Variants in DYNC1I1 observed in about 807,000 individuals in gnomAD.
The protein encoded by DYNC1I1 is cytoplasmic dynein 1 intermediate chain 1.
Under a neutral mutation model 86.6 loss-of-function variants are expected in DYNC1I1, and 43 were observed. That is an observed-to-expected ratio of 0.50 (90% CI 0.39 to 0.64). The LOEUF is 0.64. Ranked by LOEUF, DYNC1I1 falls within the 30% of genes least tolerant of loss-of-function variation. DYNC1I1 has a pLI of 0.00. For missense variants in DYNC1I1, 604 were observed against 788.8 expected, an observed-to-expected ratio of 0.77 and a Z score of 2.81; for synonymous variants, 262 against 283.7, an observed-to-expected ratio of 0.92 and a Z score of 0.77.
At position 96,061,115 on chromosome 7, in the gene DYNC1I1, T is replaced by C. The variant is rs916941710; in HGVS notation, c.1510-14942T>C. On this transcript the variant is annotated intron_variant, in intron 14 of 16. Coordinates refer to ENST00000447467, the MANE Select transcript of DYNC1I1 (RefSeq NM_001135556.2). ...GCAGAAAGCAGTGTGAACAAAGGCT[T>C]GGAGACCAGAATGCGTTCAGTGTGT... Among the ~76,000 whole-genome samples, 7 of 152,276 alleles carry C rather than the reference T, an allele frequency of 4.6e-5. No individual in the cohort carries two copies. In the East Asian group the frequency reaches 9.7e-4, roughly 21 times the overall value.
chr7:95,941,850 C>G (rs1450872901), intron 6 of DYNC1I1, among the ~76,000 whole-genome samples: 2 of 152,182 alleles, frequency 1.3e-5, no homozygotes, highest in African/African-American at 4.8e-5. Context: ...GTGAGATGAA[C>G]CCGGTACCTC....
intron 6 of DYNC1I1, among the ~76,000 whole-genome samples, chr7:95,970,331 C>T (rs1038644839): frequency 6.6e-5 from 10 of 152,172 alleles, no homozygotes; most frequent in African/African-American, 2.4e-4. Flanking sequence ...CTGCAGCCTC[C>T]ACGTTGCTGC....
intron 6 of DYNC1I1, among the ~76,000 whole-genome samples, chr7:95,910,284 A>G (rs896308726): frequency 1.3e-5 from 2 of 152,120 alleles, no homozygotes; most frequent in African/African-American, 4.8e-5. Flanking sequence ...AGCCATTATT[A>G]CATCACACCT....
chr7:95,852,596 T>G (rs1422985503), intron 5 of DYNC1I1, among the ~76,000 whole-genome samples: 2 of 152,102 alleles, frequency 1.3e-5, no homozygotes, highest in Non-Finnish European at 2.9e-5. Context: ...AACCTCTGCC[T>G]CCTGGGTTCA....
At chr7:95,846,857 A>G (rs1375299342) in intron 5 of DYNC1I1, among the ~76,000 whole-genome samples, 1 of 152,202 alleles carries the variant, frequency 6.6e-6, no homozygotes, top group African/African-American at 2.4e-5. Flanking sequence ...TGTCTGTCAT[A>G]TTACATGAGT....
rs1793337764 is a variant in DYNC1I1 at position 95,977,531 on chromosome 7, A to G, written c.510A>G (p.Glu170=). The change falls in exon 7 of 17, where the codon GAA becomes GAG. Residue 170 remains glutamate (E), a synonymous_variant. Coordinates refer to ENST00000447467, the MANE Select transcript of DYNC1I1 (RefSeq NM_001135556.2). ...TTCTAGAGGATGAGGAAGATGAGGA[A>G]ATGGTGGAATCTAAAGTTGGCCAGG... ...HQSEEDEEDE[E]MVESKVGQDS... The G allele has an allele frequency of 6.2e-7, 1 of 1,613,158 alleles. No homozygotes were observed. Among genetic ancestry groups the G allele is most frequent in the African/African-American group, 1.3e-5 (1 of 74,856 alleles).
intron 6 of DYNC1I1, among the ~76,000 whole-genome samples, chr7:95,969,737 G>A (rs1211243238): frequency 1.3e-5 from 2 of 151,998 alleles, no homozygotes; most frequent in Non-Finnish European, 2.9e-5. Context: ...CATTTGCAAT[G>A]CCTTGGGTGA....
At chr7:96,083,739 G>A (rs187277078) in intron 16 of DYNC1I1, among the ~76,000 whole-genome samples, 1 of 152,086 alleles carries the variant, frequency 6.6e-6, no homozygotes, top group Non-Finnish European at 1.5e-5. Context: ...AACAAATAAG[G>A]TATTGAAGAC....
At position 95,834,919 on chromosome 7, in the gene DYNC1I1, C is replaced by T. The variant is rs540380656; in HGVS notation, c.374+6803C>T. 3.7e-3 allele frequency among the ~76,000 whole-genome samples: 562 copies of T among 151,858 alleles called. 3 individuals are homozygous for T. The highest frequency in any genetic ancestry group is 0.013 in the African/African-American group (531 of 41,320). ...GTATTTTGTTGATCCTTTCAAAAAG[C>T]CAGCTCCTGGATTCATTAATTTTTT... On this transcript the variant is annotated intron_variant, in intron 5 of 16. Coordinates refer to ENST00000447467, the MANE Select transcript of DYNC1I1 (RefSeq NM_001135556.2).
intron 1 of DYNC1I1, 95 bp from the exon 2 acceptor site, chr7:95,804,626 A>G: frequency 7.7e-7 from 1 of 1,303,448 alleles, no homozygotes; most frequent in Non-Finnish European, 1.0e-6. Flanking sequence ...CAAAAGTCAC[A>G]TTGTTAAGTT....
At chr7:95,819,610 C>A (rs1314557797) in intron 4 of DYNC1I1, among the ~76,000 whole-genome samples, 2 of 151,852 alleles carry the variant, frequency 1.3e-5, no homozygotes, top group African/African-American at 4.8e-5. Flanking sequence ...ATAAATAATA[C>A]AAGATTATGG....
intron 10 of DYNC1I1, among the ~76,000 whole-genome samples, chr7:96,023,210 T>C (rs1297678982): frequency 8.9e-6 from 1 of 112,338 alleles, no homozygotes; most frequent in East Asian, 1.9e-4. Context: ...TCAGCCACCA[T>C]TTAACAGCAT....
chr7:95,848,212 T>TG (rs1428619000), intron 5 of DYNC1I1, among the ~76,000 whole-genome samples: 1 of 151,416 alleles, frequency 6.6e-6, no homozygotes, highest in Non-Finnish European at 1.5e-5. Context: ...ACAGTTGTTT[T>TG]TTTTTTTTTT....
At chr7:96,068,380 CATATT>C (rs1229585321) in intron 14 of DYNC1I1, among the ~76,000 whole-genome samples, 1 of 152,162 alleles carries the variant, frequency 6.6e-6, no homozygotes, top group East Asian at 1.9e-4. Context: ...TATCTGTACT[CATATT>C]AAATATAATG....
At chr7:96,032,044 A>C (rs1201862978) in intron 11 of DYNC1I1, among the ~76,000 whole-genome samples, 1 of 152,174 alleles carries the variant, frequency 6.6e-6, no homozygotes, top group African/African-American at 2.4e-5. Flanking sequence ...GGTATTTTGA[A>C]AAATAAATAT....
intron 6 of DYNC1I1, among the ~76,000 whole-genome samples, chr7:95,917,409 ATAT>A (rs1791498512): frequency 6.6e-6 from 1 of 152,274 alleles, no homozygotes; most frequent in East Asian, 1.9e-4. Flanking sequence ...TATTTATAAA[ATAT>A]TATAAACTGC....
rs370438007 is a variant in DYNC1I1, at chr7:95,883,642, C to T, written c.490+13644C>T. On this transcript the variant is annotated intron_variant, in intron 6 of 16. Transcript: ENST00000447467. ...ATATGTTTGTTGAAGCTGTGAGAGA[C>T]ATGGATTGTATTTCAACACCAGCAA... Among the ~76,000 whole-genome samples the T allele has an allele frequency of 1.1e-3, 171 of 152,216 alleles. 5 individuals are homozygous for T. The South Asian group carries it at 0.034, about 30-fold the overall frequency.
chr7:96,010,518 A>G (rs1280414225), intron 10 of DYNC1I1, among the ~76,000 whole-genome samples: 1 of 152,180 alleles, frequency 6.6e-6, no homozygotes, highest in Non-Finnish European at 1.5e-5. Context: ...TGAAACCAAT[A>G]AAGTCCATTA....
intron 6 of DYNC1I1, among the ~76,000 whole-genome samples, chr7:95,969,051 T>C (rs1366274888): frequency 6.6e-6 from 1 of 152,208 alleles, no homozygotes; most frequent in Non-Finnish European, 1.5e-5. Flanking sequence ...GAGAACTAAC[T>C]TGAGAAGTGG....
Sources: allele counts gnomAD v4.1 joint callset (sites outside exome capture counted in the v4.1 genomes callset), GRCh38; gene constraint gnomAD v4.1.1; transcripts MANE v1.5; gene names NCBI Gene and HGNC (gene_info 2026-07-23, HGNC 2026-07-21).